C13orf46: variants seen among roughly 807,000 people sequenced by gnomAD.
The protein encoded by C13orf46 is chromosome 13 open reading frame 46.
At chr13:113,966,735 A>G (rs1446456460) in intron 5 of C13orf46, among the ~76,000 whole-genome samples, 3 of 151,638 alleles carry the variant, frequency 2.0e-5, no homozygotes, top group East Asian at 1.9e-4. Flanking sequence ...GCTGGTGGTG[A>G]TGATGATGAT....
At chr13:113,932,925 C>T in the C13orf46 span, among the ~76,000 whole-genome samples, 1,612 of 152,112 alleles carry the variant, frequency 0.011, 26 homozygotes, top group African/African-American at 0.037. Flanking sequence ...AGTGCAGTGG[C>T]GTGGTCTTGG....
At chr13:113,948,550 A>T in the C13orf46 span, among the ~76,000 whole-genome samples, 1 of 152,196 alleles carries the variant, frequency 6.6e-6, no homozygotes, top group East Asian at 1.9e-4. Context: ...GCCTCTCACC[A>T]GGGACTTCCT....
chr13:113,962,540 G>A (rs2052595654), intron 6 of C13orf46, among the ~76,000 whole-genome samples: 1 of 152,232 alleles, frequency 6.6e-6, no homozygotes, highest in Non-Finnish European at 1.5e-5. Flanking sequence ...TCCCGGTATT[G>A]GGAAATCAGC....
At chr13:113,942,899 G>C in the C13orf46 span, among the ~76,000 whole-genome samples, 19 of 152,312 alleles carry the variant, frequency 1.2e-4, no homozygotes, top group African/African-American at 4.6e-4. Flanking sequence ...CGGAGGTGAG[G>C]TGGGAGCCAG....
At chr13:113,966,487 A>G (rs2052650093) in intron 5 of C13orf46, among the ~76,000 whole-genome samples, 1 of 150,950 alleles carries the variant, frequency 6.6e-6, no homozygotes, top group African/African-American at 2.4e-5. Flanking sequence ...GGTGATGATG[A>G]TGGTGATGGT....
chr13:113,971,712 C>T (rs966005957), intron 1 of C13orf46, among the ~76,000 whole-genome samples: 4 of 152,234 alleles, frequency 2.6e-5, no homozygotes, highest in Non-Finnish European at 5.9e-5. Flanking sequence ...ATCCGGGCAC[C>T]TGTGGGTGCA....
At chr13:113,945,605 G>GAAGAAGA in the C13orf46 span, among the ~76,000 whole-genome samples, 1 of 93,708 alleles carries the variant, frequency 1.1e-5, no homozygotes, top group Admixed American at 1.1e-4. Flanking sequence ...AAGAAAGAAA[G>GAAGAAGA]AAGAAAGAAA....
intron 6 of C13orf46, among the ~76,000 whole-genome samples, chr13:113,963,484 C>CT (rs1289849479): frequency 5.6e-5 from 8 of 142,642 alleles, no homozygotes; most frequent in African/African-American, 2.1e-4. Context: ...AGCCTCAGCC[C>CT]GTCCTCAGCC....
the C13orf46 span, among the ~76,000 whole-genome samples, chr13:113,938,823 C>T: frequency 6.6e-6 from 1 of 152,160 alleles, no homozygotes; most frequent in African/African-American, 2.4e-5. Flanking sequence ...CTTCCCACTG[C>T]CCAGCACGTC....
chr13:113,932,165 G>A, the C13orf46 span, among the ~76,000 whole-genome samples: 1 of 152,246 alleles, frequency 6.6e-6, no homozygotes, highest in African/African-American at 2.4e-5. Context: ...GACCCGTGGA[G>A]GACGTTCAGG....
At chr13:113,962,672 A>G (rs1387509500) in intron 6 of C13orf46, among the ~76,000 whole-genome samples, 5 of 152,216 alleles carry the variant, frequency 3.3e-5, no homozygotes, top group Non-Finnish European at 7.3e-5. Flanking sequence ...GCACGCCACC[A>G]GCAGCCCCAC....
the C13orf46 span, among the ~76,000 whole-genome samples, chr13:113,932,887 T>TG: frequency 1.1e-4 from 17 of 152,248 alleles, no homozygotes; most frequent in Middle Eastern, 6.8e-3. Context: ...TTTTTTGAGA[T>TG]GGAGTCTCGC....
chr13:113,969,908 C>A (rs1195275160), intron 2 of C13orf46, among the ~76,000 whole-genome samples: 1 of 152,160 alleles, frequency 6.6e-6, no homozygotes. Context: ...GACCCTCAGG[C>A]CAGGGCCCGA....
the C13orf46 span, among the ~76,000 whole-genome samples, chr13:113,929,525 G>T: frequency 2.0e-5 from 3 of 152,214 alleles, no homozygotes; most frequent in Non-Finnish European, 4.4e-5. Flanking sequence ...TCAGGCACAC[G>T]GTGCCCTGTC....
At chr13:113,950,774 G>T (rs989175587), downstream of C13orf46, among the ~76,000 whole-genome samples, 393 of 152,288 alleles carry the variant, frequency 2.6e-3, 1 homozygote, top group African/African-American at 9.0e-3. Flanking sequence ...CGGCGCCCAG[G>T]GGAGACACAG....
chr13:113,927,913 G>A, the C13orf46 span: 1 of 302,026 alleles, frequency 3.3e-6, no homozygotes, highest in East Asian at 5.1e-5. Context: ...GGCCCCAGGC[G>A]ACGTGAGGGG....
chr13:113,969,697 G>A (rs1332668512), intron 2 of C13orf46, among the ~76,000 whole-genome samples: 1 of 152,234 alleles, frequency 6.6e-6, no homozygotes, highest in African/African-American at 2.4e-5. Context: ...ACCAGAGCTG[G>A]GTTAGAACGG....
chr13:113,972,319 C>T (rs943401267), intron 1 of C13orf46, among the ~76,000 whole-genome samples: 4 of 152,218 alleles, frequency 2.6e-5, no homozygotes, highest in Non-Finnish European at 5.9e-5. Context: ...ACTCACGCCC[C>T]CCAAATAGCA....
intron 6 of C13orf46, among the ~76,000 whole-genome samples, chr13:113,959,586 G>T (rs1426471920): frequency 6.6e-6 from 1 of 152,216 alleles, no homozygotes; most frequent in African/African-American, 2.4e-5. Flanking sequence ...CATGAAAGGA[G>T]ATTTAATGCA....
Sources: allele counts gnomAD v4.1 joint callset (sites outside exome capture counted in the v4.1 genomes callset), GRCh38; gene constraint gnomAD v4.1.1; transcripts MANE v1.5; gene names NCBI Gene and HGNC (gene_info 2026-07-23, HGNC 2026-07-21).